The following FRMPD4 variants were observed in gnomAD, a reference collection of about 807,000 sequenced individuals.
FRMPD4 encodes FERM and PDZ domain-containing protein 4.
FRMPD4 carries 22 observed loss-of-function variants against 94.1 expected under a neutral mutation model. The observed-to-expected ratio is 0.23, with a 90% CI of 0.17 to 0.33. The LOEUF (loss-of-function observed/expected upper bound fraction) is 0.33, where lower values mean the gene tolerates loss of function less well. FRMPD4 is among the 10% of genes least tolerant of loss of function. FRMPD4 has a pLI of 1.00. For missense variants in FRMPD4, 1,111 were observed against 1,339.9 expected (o/e 0.83, Z 2.67); for synonymous variants, 631 against 548.6 (o/e 1.15, Z -2.10).
At chrX:12,526,711 T>C (rs1032909766) in intron 2 of FRMPD4, among the ~76,000 whole-genome samples, 1 of 112,552 alleles carries the variant, frequency 8.9e-6, no homozygotes, top group African/African-American at 3.2e-5. Flanking sequence ...ATTGTAATTC[T>C]TGTGTTTTCA....
chrX:12,362,530 T>C (rs1478139043), intron 1 of FRMPD4, among the ~76,000 whole-genome samples: 2 of 111,722 alleles, frequency 1.8e-5, no homozygotes, highest in South Asian at 7.5e-4. Flanking sequence ...ACAAAGGACA[T>C]GAACTCATCA....
At chrX:12,565,984 C>T (rs1421772709) in intron 2 of FRMPD4, among the ~76,000 whole-genome samples, 2 of 111,226 alleles carry the variant, frequency 1.8e-5, no homozygotes, top group African/African-American at 6.6e-5. Context: ...ATTTTAGGGC[C>T]GGGCACTGAA....
intron 16 of FRMPD4, 122 bp from the exon 17 acceptor site, chrX:12,720,412 A>G (rs1288121176): frequency 2.9e-6 from 2 of 678,164 alleles, no homozygotes; most frequent in African/African-American, 4.3e-5. Flanking sequence ...TGACCTTAGC[A>G]TCGGCAGCCC....
intron 1 of FRMPD4, among the ~76,000 whole-genome samples, chrX:12,233,705 G>A (rs1240798728): frequency 9.0e-6 from 1 of 111,410 alleles, no homozygotes; most frequent in East Asian, 2.8e-4. Context: ...CTGAAGCTTC[G>A]GTGGAAGACA....
chrX:12,326,429 G>A (rs2055288886), intron 1 of FRMPD4, among the ~76,000 whole-genome samples: 2 of 111,670 alleles, frequency 1.8e-5, no homozygotes, highest in African/African-American at 6.5e-5. Context: ...TGTAAGGTAT[G>A]TAACAGGATT....
At chrX:11,943,658 G>A (rs1418576441) in intron 3 of FRMPD4, among the ~76,000 whole-genome samples, 1 of 111,255 alleles carries the variant, frequency 9.0e-6, no homozygotes, top group African/African-American at 3.3e-5. Flanking sequence ...TCTCTTATTA[G>A]GTCTCACTAC....
At chrX:12,340,017 G>A (rs1160039378) in intron 1 of FRMPD4, among the ~76,000 whole-genome samples, 2 of 112,287 alleles carry the variant, frequency 1.8e-5, no homozygotes, top group Non-Finnish European at 3.8e-5. Flanking sequence ...AACCTCTCCT[G>A]AGAATTGTTC....
intron 15 of FRMPD4, 83 bp downstream of exon 15, chrX:12,717,216 C>T (rs774922363): frequency 9.9e-6 from 6 of 605,331 alleles, no homozygotes; most frequent in Non-Finnish European, 1.5e-5. Flanking sequence ...AGTCCTGTTA[C>T]GTGGTGTTCT....
intron 1 of FRMPD4, among the ~76,000 whole-genome samples, chrX:12,260,678 A>G (rs941899651): frequency 8.9e-6 from 1 of 112,111 alleles, no homozygotes; most frequent in African/African-American, 3.2e-5. Context: ...TACCGATCCA[A>G]GCTCTTTAGC....
intron 1 of FRMPD4, among the ~76,000 whole-genome samples, chrX:12,153,235 T>C (rs1392276364): frequency 8.9e-6 from 1 of 111,868 alleles, no homozygotes; most frequent in African/African-American, 3.3e-5. Context: ...CGCGAGCTTA[T>C]ACATTTTATA....
intron 3 of FRMPD4, among the ~76,000 whole-genome samples, chrX:12,123,363 C>A (rs974281173): frequency 9.0e-6 from 1 of 110,878 alleles, no homozygotes; most frequent in African/African-American, 3.3e-5. Context: ...GTCTCGAACT[C>A]CTGGGCTCAA....
At chrX:11,900,197 T>A (rs1022520485) in intron 3 of FRMPD4, among the ~76,000 whole-genome samples, 2 of 111,655 alleles carry the variant, frequency 1.8e-5, no homozygotes, top group Admixed American at 1.9e-4. Flanking sequence ...AGGATTTTTT[T>A]TTTTTGTCTG....
At chrX:12,418,350 CT>C (rs540740432) in intron 1 of FRMPD4, among the ~76,000 whole-genome samples, 39 of 81,031 alleles carry the variant, frequency 4.8e-4, no homozygotes, top group East Asian at 1.2e-3. Context: ...GTGTTTCTTT[CT>C]TTTTTTTTTT....
intron 1 of FRMPD4, among the ~76,000 whole-genome samples, chrX:12,163,077 G>A (rs1362028950): frequency 9.0e-6 from 1 of 110,536 alleles, no homozygotes; most frequent in Non-Finnish European, 1.9e-5. Flanking sequence ...AGAAAAGAGG[G>A]CACAATTTTT....
At chrX:12,198,042 T>C in intron 1 of FRMPD4, among the ~76,000 whole-genome samples, 1 of 112,219 alleles carries the variant, frequency 8.9e-6, no homozygotes, top group South Asian at 3.7e-4. Flanking sequence ...ATTCTTGCCA[T>C]ATTCTCTTAA....
chrX:12,373,803 C>T (rs991686228), intron 1 of FRMPD4, among the ~76,000 whole-genome samples: 1 of 112,049 alleles, frequency 8.9e-6, no homozygotes, highest in Non-Finnish European at 1.9e-5. Flanking sequence ...ATTTTGGAGA[C>T]CAGCATTCCT....
chrX:12,241,920 A>G (rs1242228626), intron 1 of FRMPD4, among the ~76,000 whole-genome samples: 1 of 94,917 alleles, frequency 1.1e-5, no homozygotes, highest in Non-Finnish European at 2.1e-5. Flanking sequence ...TAAGAAGAAG[A>G]AGGAGAAGGA....
At chrX:12,457,537 A>G (rs1433547737) in intron 1 of FRMPD4, among the ~76,000 whole-genome samples, 1 of 111,786 alleles carries the variant, frequency 8.9e-6, no homozygotes. Flanking sequence ...TATTATCTCC[A>G]TACTAGAGGT....
At chrX:12,405,256 G>A (rs774313817) in intron 1 of FRMPD4, among the ~76,000 whole-genome samples, 61 of 111,638 alleles carry the variant, frequency 5.5e-4, no homozygotes, top group Non-Finnish European at 6.2e-4. Context: ...CAAGAGAAGG[G>A]AAAATAATTG....
Sources: gnomAD v4.1 joint callset for allele counts (sites outside exome capture counted in the v4.1 genomes callset) on GRCh38, gnomAD v4.1.1 for gene constraint, MANE v1.5 for transcripts, NCBI Gene and HGNC (gene_info 2026-07-23, HGNC 2026-07-21) for gene names.